UBE2H: variants seen among roughly 807,000 people sequenced by gnomAD.
The protein encoded by UBE2H is ubiquitin conjugating enzyme E2 H, also known as ubiquitin-conjugating enzyme E2 H.
Under a neutral mutation model 29.0 loss-of-function variants are expected in UBE2H, and 3 were observed. The ratio of observed to expected loss-of-function variants is 0.10; its 90% CI spans 0.05 to 0.27. The LOEUF is 0.27. Among genes scored for constraint, UBE2H ranks in the 10% least tolerant of loss-of-function variants. UBE2H has a pLI of 1.00. For synonymous variants in UBE2H, 69 were observed against 82.9 expected (o/e 0.83, Z 0.91); for missense variants, 68 against 228.2 (o/e 0.30, Z 4.52).
chr7:129,834,844 TAAAAA>T lies in UBE2H; in HGVS notation c.*88_*92del. 5 of 1,476,308 alleles carry T rather than the reference TAAAAA, an allele frequency of 3.4e-6. No individual in the cohort carries two copies. The highest frequency in any genetic ancestry group is 4.6e-6 in the Non-Finnish European group (5 of 1,097,840). 91.5% of individuals were successfully genotyped at this position (1,476,308 alleles called of 1,614,324 possible). ...TATTCATAAAAACCTTGTTTAGTAATAAAAAAAATTGCTTTGTTTAAATATGAATA... is the reference window on the plus strand; with the variant it reads ...TATTCATAAAAACCTTGTTTAGTAATAAATTGCTTTGTTTAAATATGAATA... On this transcript the variant is annotated 3_prime_UTR_variant, in exon 7 of 7. Coordinates refer to ENST00000355621, the MANE Select transcript of UBE2H (RefSeq NM_003344.4).
intron 3 of UBE2H, among the ~76,000 whole-genome samples, chr7:129,866,548 T>C (rs1474243357): frequency 6.6e-6 from 1 of 152,206 alleles, no homozygotes; most frequent in African/African-American, 2.4e-5. Flanking sequence ...CAGAATACAT[T>C]GGACTTGAAC....
intron 1 of UBE2H, among the ~76,000 whole-genome samples, chr7:129,924,654 TAAG>T (rs2116477628): frequency 8.5e-6 from 1 of 118,274 alleles, no homozygotes; most frequent in South Asian, 2.6e-4. Context: ...ACACAGAAAA[TAAG>T]AGTTGCATGT....
intron 1 of UBE2H, among the ~76,000 whole-genome samples, chr7:129,893,018 C>T (rs1213148864): frequency 6.6e-6 from 1 of 152,028 alleles, no homozygotes; most frequent in East Asian, 1.9e-4. Context: ...ATGTATTGCC[C>T]AGAAGCAAAA....
intron 3 of UBE2H, among the ~76,000 whole-genome samples, chr7:129,870,478 G>A (rs548393303): frequency 1.3e-4 from 20 of 152,106 alleles, no homozygotes; most frequent in Non-Finnish European, 2.2e-4. Context: ...TTAGCCAAGC[G>A]TGGTGGCCCA....
At chr7:129,948,937 AACAC>A (rs763124177) in intron 1 of UBE2H, 2 of 451,790 alleles carry the variant, frequency 4.4e-6, no homozygotes, top group South Asian at 3.2e-5. Context: ...TTTGTATATA[AACAC>A]ACTCTCTTGT....
At chr7:129,903,864 TCTGTACTCC>T (rs1806765036) in intron 1 of UBE2H, among the ~76,000 whole-genome samples, 1 of 152,234 alleles carries the variant, frequency 6.6e-6, no homozygotes, top group South Asian at 2.1e-4. Flanking sequence ...TATGCTGGCA[TCTGTACTCC>T]AGCCTCGGCA....
chr7:129,949,045 GC>G (rs1807822188), intron 1 of UBE2H: 1 of 456,504 alleles, frequency 2.2e-6, no homozygotes, highest in Admixed American at 2.4e-5. Flanking sequence ...GGTGCCTGCG[GC>G]CTTTTGCCTG....
At chr7:129,949,130 G>C (rs1055820789) in intron 1 of UBE2H, 1 of 425,754 alleles carries the variant, frequency 2.3e-6, no homozygotes, top group African/African-American at 2.0e-5. Flanking sequence ...GGATCACCAG[G>C]GCTGTGCAAC....
intron 1 of UBE2H, among the ~76,000 whole-genome samples, chr7:129,925,001 T>C (rs986463337): frequency 6.6e-6 from 1 of 151,850 alleles, no homozygotes; most frequent in African/African-American, 2.4e-5. Flanking sequence ...TCAAGGTAAG[T>C]AATTTTATCA....
chr7:129,914,729 G>A (rs1489119297), intron 1 of UBE2H, among the ~76,000 whole-genome samples: 4 of 152,118 alleles, frequency 2.6e-5, no homozygotes, highest in Non-Finnish European at 5.9e-5. Context: ...CTGCCAGACA[G>A]TCCAGGGAAT....
At chr7:129,864,690 T>C (rs1258698497) in intron 3 of UBE2H, among the ~76,000 whole-genome samples, 1 of 151,544 alleles carries the variant, frequency 6.6e-6, no homozygotes, top group African/African-American at 2.4e-5. Flanking sequence ...TAGCTGGGAC[T>C]ACAGGTGCCC....
At chr7:129,945,802 G>A (rs2116529763) in intron 1 of UBE2H, among the ~76,000 whole-genome samples, 2 of 151,958 alleles carry the variant, frequency 1.3e-5, no homozygotes, top group East Asian at 1.9e-4. Context: ...GTGCAATGGC[G>A]CAATCTCAGC....
At chr7:129,871,993 C>T (rs988508238) in intron 3 of UBE2H, among the ~76,000 whole-genome samples, 5 of 152,058 alleles carry the variant, frequency 3.3e-5, no homozygotes, top group African/African-American at 9.7e-5. Context: ...ATTACAGGCA[C>T]GCGCCACCAT....
intron 5 of UBE2H, among the ~76,000 whole-genome samples, chr7:129,854,672 C>T (rs1426226757): frequency 6.6e-6 from 1 of 152,178 alleles, no homozygotes; most frequent in Non-Finnish European, 1.5e-5. Context: ...TATCAGTCCT[C>T]AAATAGTTAA....
chr7:129,945,358 G>A (rs968005053), intron 1 of UBE2H, among the ~76,000 whole-genome samples: 1 of 152,084 alleles, frequency 6.6e-6, no homozygotes, highest in Non-Finnish European at 1.5e-5. Flanking sequence ...TTAACCTACC[G>A]ACTTGCAGTA....
At chr7:129,949,892 A>C (rs1247119776) in intron 1 of UBE2H, among the ~76,000 whole-genome samples, 1 of 152,128 alleles carries the variant, frequency 6.6e-6, no homozygotes, top group Admixed American at 6.5e-5. Flanking sequence ...CCCACACCAA[A>C]GAAATCATCA....
chr7:129,868,448 C>T (rs1024837752), intron 3 of UBE2H, among the ~76,000 whole-genome samples: 1 of 149,926 alleles, frequency 6.7e-6, no homozygotes, highest in Non-Finnish European at 1.5e-5. Context: ...GGCGCGGTGG[C>T]GGGCGCCTGT....
At chr7:129,886,129 A>T (rs1247497942) in intron 1 of UBE2H, among the ~76,000 whole-genome samples, 2 of 152,014 alleles carry the variant, frequency 1.3e-5, no homozygotes, top group Non-Finnish European at 2.9e-5. Flanking sequence ...TCTGGTAAAA[A>T]CTCATTAAAT....
At position 129,868,405 on chromosome 7, in the gene UBE2H, C is replaced by G. The variant is rs1361638271; in HGVS notation, c.206-9464G>C. Among the ~76,000 whole-genome samples, 6 of 148,732 alleles carry G rather than the reference C, an allele frequency of 4.0e-5. No homozygotes were observed. In the East Asian group the frequency reaches 9.7e-4, roughly 24 times the overall value. Reference sequence around the variant, plus strand: ...ACCATCCTGGCTAACAAGGTGAAACCCCGTCTCTACTAAAAATACAAAAAA... The same window carrying G: ...ACCATCCTGGCTAACAAGGTGAAACGCCGTCTCTACTAAAAATACAAAAAA... On this transcript the variant is annotated intron_variant, in intron 3 of 6. Coordinates refer to ENST00000355621, the MANE Select transcript of UBE2H (RefSeq NM_003344.4).
Sources: gnomAD v4.1 joint callset for allele counts (sites outside exome capture counted in the v4.1 genomes callset) on GRCh38, gnomAD v4.1.1 for gene constraint, MANE v1.5 for transcripts, NCBI Gene and HGNC (gene_info 2026-07-23, HGNC 2026-07-21) for gene names.